The following HYCC2 variants were observed in gnomAD, a reference collection of about 807,000 sequenced individuals.
HYCC2 encodes hyccin 2.
chr2:201,020,377 TGG>T, the HYCC2 span, among the ~76,000 whole-genome samples: 77 of 152,060 alleles, frequency 5.1e-4, 1 homozygote, highest in Admixed American at 2.0e-4. Context: ...CTAACTTGAG[TGG>T]GTTAAAGAAT....
the HYCC2 span, among the ~76,000 whole-genome samples, chr2:201,035,293 G>C: frequency 3.2e-3 from 482 of 152,266 alleles, 3 homozygotes; most frequent in Non-Finnish European, 3.0e-3. Flanking sequence ...TGGAGGCTTT[G>C]TTCGTTTCTT....
chr2:201,011,239 CG>C, the HYCC2 span, among the ~76,000 whole-genome samples: 60 of 152,236 alleles, frequency 3.9e-4, no homozygotes, highest in African/African-American at 1.4e-3. Flanking sequence ...CTACCTCTCT[CG>C]TCACAGCTCA....
the HYCC2 span, among the ~76,000 whole-genome samples, chr2:201,003,968 C>G: frequency 1.3e-5 from 2 of 151,876 alleles, no homozygotes; most frequent in Middle Eastern, 3.2e-3. Context: ...TGCCCACCAT[C>G]ACGCCCAACT....
At chr2:200,986,360 C>CT in the HYCC2 span, among the ~76,000 whole-genome samples, 1 of 152,268 alleles carries the variant, frequency 6.6e-6, no homozygotes, top group South Asian at 2.1e-4. Context: ...TATGTTTGGT[C>CT]TTTAAGTAAA....
the HYCC2 span, among the ~76,000 whole-genome samples, chr2:201,051,888 T>C: frequency 6.6e-6 from 1 of 152,088 alleles, no homozygotes; most frequent in Non-Finnish European, 1.5e-5. Context: ...AACACCCCAA[T>C]CCTCAATCAT....
chr2:201,007,577 C>T, the HYCC2 span, among the ~76,000 whole-genome samples: 1 of 152,142 alleles, frequency 6.6e-6, no homozygotes, highest in Non-Finnish European at 1.5e-5. Context: ...ACTGGCCTTG[C>T]CCAAAGAGAC....
chr2:201,066,785 GA>G, the HYCC2 span: 1 of 153,366 alleles, frequency 6.5e-6, no homozygotes, highest in Non-Finnish European at 1.5e-5. Flanking sequence ...CTGAAAGGCT[GA>G]AAGTAGTCAT....
At chr2:201,007,148 T>C in the HYCC2 span, among the ~76,000 whole-genome samples, 6 of 152,348 alleles carry the variant, frequency 3.9e-5, no homozygotes, top group South Asian at 2.1e-4. Context: ...ATGATCATTT[T>C]TGAGCCTTGG....
At chr2:201,004,133 G>A in the HYCC2 span, among the ~76,000 whole-genome samples, 2 of 152,252 alleles carry the variant, frequency 1.3e-5, no homozygotes, top group Admixed American at 6.5e-5. Context: ...GTTTTTATCA[G>A]CTTATGAGTG....
At chr2:201,014,709 G>T in the HYCC2 span, among the ~76,000 whole-genome samples, 2 of 152,240 alleles carry the variant, frequency 1.3e-5, no homozygotes, top group Admixed American at 1.3e-4. Flanking sequence ...AGAGGAGTGA[G>T]CACTGGTACA....
At chr2:201,033,196 T>TGTGTGTGTGTGAGA in the HYCC2 span, among the ~76,000 whole-genome samples, 5 of 106,254 alleles carry the variant, frequency 4.7e-5, no homozygotes, top group African/African-American at 1.9e-4. Context: ...TGTGTGTGTG[T>TGTGTGTGTGTGAGA]GAGAGAGAGA....
chr2:200,981,486 A>G, the HYCC2 span: 10 of 1,614,104 alleles, frequency 6.2e-6, no homozygotes, highest in African/African-American at 9.3e-5. The surrounding 1 kb of genome is among the most constrained non-coding windows in gnomAD (Gnocchi z 4.5). Context: ...TGCCATTTAC[A>G]TAGTCAAATG....
the HYCC2 span, among the ~76,000 whole-genome samples, chr2:201,008,773 C>T: frequency 1.3e-5 from 2 of 152,118 alleles, no homozygotes; most frequent in African/African-American, 4.8e-5. Flanking sequence ...TGGTGTACAC[C>T]TGTAGTCCTA....
the HYCC2 span, among the ~76,000 whole-genome samples, chr2:201,051,478 T>G: frequency 6.6e-6 from 1 of 152,152 alleles, no homozygotes; most frequent in African/African-American, 2.4e-5. Flanking sequence ...TATAGATTAT[T>G]AAAATAAGTG....
chr2:201,033,749 C>G, the HYCC2 span, among the ~76,000 whole-genome samples: 1 of 151,916 alleles, frequency 6.6e-6, no homozygotes, highest in African/African-American at 2.4e-5. Context: ...CTATGTTGCC[C>G]AGATTGGTCT....
chr2:200,997,622 G>C, the HYCC2 span: 1 of 815,640 alleles, frequency 1.2e-6, no homozygotes, highest in Non-Finnish European at 2.1e-6. Flanking sequence ...CCTTAATATT[G>C]ACCTTTATGA....
the HYCC2 span, among the ~76,000 whole-genome samples, chr2:201,066,416 GA>G: frequency 6.6e-6 from 1 of 152,086 alleles, no homozygotes; most frequent in African/African-American, 2.4e-5. Context: ...CTATAATGTA[GA>G]AAGGACAGTA....
At chr2:201,043,031 T>G in the HYCC2 span, among the ~76,000 whole-genome samples, 2 of 152,188 alleles carry the variant, frequency 1.3e-5, no homozygotes, top group Non-Finnish European at 2.9e-5. Context: ...AGACTGTTAT[T>G]GTGTCTGTGT....
the HYCC2 span, among the ~76,000 whole-genome samples, chr2:200,991,760 T>A: frequency 5.4e-5 from 7 of 129,936 alleles, no homozygotes; most frequent in Admixed American, 4.4e-4. Context: ...ATAAAAAATT[T>A]AAAAAAACTG....
Sources: gnomAD v4.1 joint callset for allele counts (sites outside exome capture counted in the v4.1 genomes callset) on GRCh38, gnomAD v4.1.1 for gene constraint, Gnocchi (gnomAD v3.1) non-coding constraint, MANE v1.5 for transcripts, NCBI Gene and HGNC (gene_info 2026-07-23, HGNC 2026-07-21) for gene names.